Variants in MAN1A2 observed in about 807,000 individuals in gnomAD.
The protein encoded by MAN1A2 is mannosidase alpha class 1A member 2, also known as mannosyl-oligosaccharide 1,2-alpha-mannosidase IB.
Under a neutral mutation model 75.7 loss-of-function variants are expected in MAN1A2, and 26 were observed. The observed-to-expected ratio is 0.34, with a 90% confidence interval of 0.25 to 0.48. MAN1A2 has a LOEUF of 0.48. Ranked by LOEUF, MAN1A2 falls within the 20% of genes least tolerant of loss-of-function variation. The pLI, the probability that MAN1A2 is intolerant of heterozygous loss-of-function variation, is 0.99. For missense variants in MAN1A2, 562 were observed against 775.5 expected, an observed-to-expected ratio of 0.72 and a Z score of 3.27; for synonymous variants, 247 against 264.6, an observed-to-expected ratio of 0.93 and a Z score of 0.65.
intron 5 of MAN1A2, among the ~76,000 whole-genome samples, chr1:117,429,752 C>T (rs1439227028): frequency 3.6e-4 from 33 of 90,776 alleles, no homozygotes; most frequent in East Asian, 7.1e-4. Flanking sequence ...GCTGGCCGGG[C>T]GGGGGGCTGA....
At chr1:117,500,670 G>T (rs1651171800) in intron 11 of MAN1A2, among the ~76,000 whole-genome samples, 1 of 151,808 alleles carries the variant, frequency 6.6e-6, no homozygotes, top group Non-Finnish European at 1.5e-5. Flanking sequence ...GGAAACAAGT[G>T]GTTACACAGG....
chr1:117,444,438 C>T (rs1410003920), intron 6 of MAN1A2, among the ~76,000 whole-genome samples: 3 of 149,830 alleles, frequency 2.0e-5, no homozygotes, highest in Admixed American at 1.3e-4. Flanking sequence ...CTAGATGTAG[C>T]GTTCCTGGAT....
chr1:117,478,565 T>G (rs1299524213), intron 8 of MAN1A2, among the ~76,000 whole-genome samples: 1 of 151,978 alleles, frequency 6.6e-6, no homozygotes, highest in African/African-American at 2.4e-5. Flanking sequence ...GGGTTTTGTA[T>G]TTACATCTGT....
chr1:117,504,159 T>G (rs1557977085), intron 12 of MAN1A2, among the ~76,000 whole-genome samples: 1 of 151,450 alleles, frequency 6.6e-6, no homozygotes, highest in Non-Finnish European at 1.5e-5. Context: ...CTGTAGAAGT[T>G]GAAAGAGCAC....
intron 7 of MAN1A2, among the ~76,000 whole-genome samples, chr1:117,465,026 G>C (rs1390456902): frequency 2.0e-5 from 3 of 152,144 alleles, no homozygotes; most frequent in African/African-American, 7.2e-5. Context: ...AGAAAACATA[G>C]TAAAGCCTTC....
intron 7 of MAN1A2, among the ~76,000 whole-genome samples, chr1:117,463,136 T>G (rs985841928): frequency 3.3e-5 from 5 of 150,604 alleles, no homozygotes; most frequent in African/African-American, 9.7e-5. Flanking sequence ...TATTTTTATA[T>G]CAATTATATT....
intron 1 of MAN1A2, among the ~76,000 whole-genome samples, chr1:117,391,209 A>G (rs970896438): frequency 2.0e-5 from 3 of 152,124 alleles, no homozygotes; most frequent in Admixed American, 2.0e-4. Flanking sequence ...AACTTGTTTT[A>G]TGACCTAGAA....
chr1:117,373,038 T>C (rs1247369098), intron 1 of MAN1A2, among the ~76,000 whole-genome samples: 1 of 152,230 alleles, frequency 6.6e-6, no homozygotes, highest in African/African-American at 2.4e-5. Context: ...ACCTGTGCGC[T>C]GTCCAGTACC....
chr1:117,501,747 C>T (rs1257227260), intron 11 of MAN1A2, among the ~76,000 whole-genome samples: 1 of 151,632 alleles, frequency 6.6e-6, no homozygotes, highest in Non-Finnish European at 1.5e-5. Flanking sequence ...ATTAAATAAA[C>T]ACCTTTTTAA....
intron 1 of MAN1A2, among the ~76,000 whole-genome samples, chr1:117,378,155 A>T (rs935099036): frequency 2.0e-5 from 3 of 152,168 alleles, no homozygotes; most frequent in Admixed American, 1.3e-4. Flanking sequence ...GTACATGAAA[A>T]GTCTTAGTGG....
At position 117,498,788 on chromosome 1, in the gene MAN1A2, TTATTA is replaced by T. The variant is rs139992587; in HGVS notation, c.1505-590_1505-586del. Among the ~76,000 whole-genome samples the T allele has an allele frequency of 1.7e-4, 26 of 152,036 alleles. 1 individual carries two copies. The East Asian group carries it at 5.1e-3, about 30-fold the overall frequency. Reference sequence around the variant, plus strand: ...CTAGTTTTGCTAACTTTCCAGCAGGTTATTATATCCTCTGCTGTGTTTTCTTATAG... The same window carrying T: ...CTAGTTTTGCTAACTTTCCAGCAGGTTATCCTCTGCTGTGTTTTCTTATAG... On this transcript the variant is annotated intron_variant, in intron 10 of 12. Coordinates refer to ENST00000356554, the MANE Select transcript of MAN1A2 (RefSeq NM_006699.5).
chr1:117,419,660 C>T (rs1648123332), intron 4 of MAN1A2, among the ~76,000 whole-genome samples: 1 of 151,776 alleles, frequency 6.6e-6, no homozygotes, highest in African/African-American at 2.4e-5. Context: ...TCTGTAGATT[C>T]TTTGATTATG....
At chr1:117,369,004 C>T (rs930943923) in intron 1 of MAN1A2, among the ~76,000 whole-genome samples, 1 of 152,092 alleles carries the variant, frequency 6.6e-6, no homozygotes, top group African/African-American at 2.4e-5. Context: ...GCAGAATATA[C>T]CTGTCATTTC....
Position 117,402,396 on chromosome 1 carries a change from C to G in MAN1A2, c.513C>G (p.Asp171Glu). 6.2e-7 allele frequency: 1 copy of G among 1,609,896 alleles called. No homozygotes were observed. Among genetic ancestry groups the G allele is most frequent in the South Asian group, 1.1e-5 (1 of 90,114 alleles). The change falls in exon 2 of 13, where the codon GAC becomes GAG. Residue 171 changes from aspartate to glutamate, a missense_variant. Asp to Glu is a conservative substitution (Grantham distance 45, BLOSUM62 2). Coordinates refer to ENST00000356554, the MANE Select transcript of MAN1A2 (RefSeq NM_006699.5). ...ACCTTGTAGGAATACGTGGTGGAGACCCAGAAGATAATGACATAAGAGAGA... is the reference window on the plus strand; with the variant it reads ...ACCTTGTAGGAATACGTGGTGGAGAGCCAGAAGATAATGACATAAGAGAGA... ...IPNLVGIRGGDPEDNDIREKR... is the reference protein window; with the variant it reads ...IPNLVGIRGGEPEDNDIREKR...
intron 1 of MAN1A2, among the ~76,000 whole-genome samples, chr1:117,381,825 C>G (rs532619395): frequency 5.9e-5 from 9 of 152,196 alleles, no homozygotes; most frequent in African/African-American, 2.2e-4. Context: ...ATTCCTATTT[C>G]TCCACATCCT....
chr1:117,432,386 T>A (rs1436273598), intron 5 of MAN1A2, among the ~76,000 whole-genome samples: 1 of 152,084 alleles, frequency 6.6e-6, no homozygotes, highest in East Asian at 1.9e-4. Flanking sequence ...GCTAAATTGA[T>A]CAAGAAATAA....
At chr1:117,376,879 A>G (rs529291814) in intron 1 of MAN1A2, among the ~76,000 whole-genome samples, 11 of 152,342 alleles carry the variant, frequency 7.2e-5, no homozygotes, top group Non-Finnish European at 1.5e-4. Flanking sequence ...TTGCATTTAC[A>G]TTATATTAGG....
intron 5 of MAN1A2, among the ~76,000 whole-genome samples, chr1:117,440,774 TATG>T (rs1299146829): frequency 4.6e-5 from 7 of 152,112 alleles, no homozygotes; most frequent in African/African-American, 9.6e-5. Flanking sequence ...GTAGAAAAGA[TATG>T]ATACAAAATG....
In MAN1A2 at chr1:117,423,666, A is replaced by T. The variant is rs528343710; in HGVS notation, c.855+3017A>T. Among the ~76,000 whole-genome samples the T allele has an allele frequency of 4.0e-4, 61 of 152,150 alleles. No individual in the cohort carries two copies. The South Asian group carries it at 9.1e-3, about 23-fold the overall frequency. On this transcript the variant is annotated intron_variant, in intron 5 of 12. Coordinates refer to ENST00000356554, the MANE Select transcript of MAN1A2 (RefSeq NM_006699.5). ...GTATATATAAATACATTTGATTTTT[A>T]AAAAACCTTTAATAAAGACTTAAAT...
Sources: gnomAD v4.1 joint callset for allele counts (sites outside exome capture counted in the v4.1 genomes callset) on GRCh38, gnomAD v4.1.1 for gene constraint, MANE v1.5 for transcripts, NCBI Gene and HGNC (gene_info 2026-07-23, HGNC 2026-07-21) for gene names.